POLR1F: variants seen among roughly 807,000 people sequenced by gnomAD.
POLR1F encodes the protein RNA polymerase I subunit F, also known as DNA-directed RNA polymerase I subunit RPA43.
A neutral mutation model predicts 21.8 loss-of-function variants in POLR1F; 23 were observed. The observed-to-expected ratio is 1.05, with a 90% CI of 0.76 to 1.49. The LOEUF is 1.49. Ranked by LOEUF, POLR1F falls within the 40% of genes most tolerant of loss-of-function variation. POLR1F has a pLI of 0.00. For missense variants in POLR1F, 435 were observed against 412.1 expected, an observed-to-expected ratio of 1.06 and a Z score of -0.48; for synonymous variants, 162 against 152.8, an observed-to-expected ratio of 1.06 and a Z score of -0.45.
At chr7:19,706,993 C>G (rs1466460471) in intron 1 of POLR1F, among the ~76,000 whole-genome samples, 1 of 152,222 alleles carries the variant, frequency 6.6e-6, no homozygotes, top group Non-Finnish European at 1.5e-5. Flanking sequence ...TTCAGAGCCA[C>G]TCTGCGTGAT....
At chr7:19,708,196 A>C (rs775890350) in intron 1 of POLR1F, among the ~76,000 whole-genome samples, 1 of 152,194 alleles carries the variant, frequency 6.6e-6, no homozygotes, top group Non-Finnish European at 1.5e-5. Context: ...AAATCCCGCT[A>C]AACTAATGGC....
chr7:19,700,020 G>C (rs1783428504), intron 3 of POLR1F, 52 bp downstream of exon 3: 1 of 1,430,584 alleles, frequency 7.0e-7, no homozygotes, highest in African/African-American at 1.4e-5. Context: ...TTAAAATTCA[G>C]AATTAAATAG....
chr7:19,705,614 G>C (rs1301158706), intron 1 of POLR1F, among the ~76,000 whole-genome samples: 2 of 152,204 alleles, frequency 1.3e-5, no homozygotes, highest in African/African-American at 4.8e-5. Flanking sequence ...TTCAACTGTT[G>C]ATAGTAAATG....
chr7:19,708,003 A>G (rs942245574), intron 1 of POLR1F, among the ~76,000 whole-genome samples: 1 of 152,058 alleles, frequency 6.6e-6, no homozygotes, highest in African/African-American at 2.4e-5. Context: ...CCGCTTTTAA[A>G]CCAAAGTATA....
At position 19,696,469 on chromosome 7, in the gene POLR1F, T is replaced by C. The variant is rs535256658; in HGVS notation, c.*1847A>G. ...AAATTTGCCATCTTTCTTGTGTCTATGGAAAAGGGGTTTAGAATTGTTTCA... is the reference window on the plus strand; with the variant it reads ...AAATTTGCCATCTTTCTTGTGTCTACGGAAAAGGGGTTTAGAATTGTTTCA... On this transcript the variant is annotated 3_prime_UTR_variant, in exon 4 of 4. Coordinates refer to ENST00000222567, the MANE Select transcript of POLR1F (RefSeq NM_001002926.2). The C allele has an allele frequency of 2.6e-5, 4 of 152,130 alleles. No individual in the cohort carries two copies. Among genetic ancestry groups the C allele is most frequent in the East Asian group, 3.8e-4 (2 of 5,196 alleles). 9.4% of individuals were successfully genotyped at this position (152,130 alleles called of 1,614,324 possible).
At chr7:19,700,766 G>T (rs1416224251) in intron 2 of POLR1F, among the ~76,000 whole-genome samples, 3 of 152,158 alleles carry the variant, frequency 2.0e-5, no homozygotes, top group Non-Finnish European at 4.4e-5. Flanking sequence ...GCTTAAAAAT[G>T]CATTCTTTAA....
At chr7:19,705,109 G>A (rs893823675) in intron 1 of POLR1F, among the ~76,000 whole-genome samples, 189 bp from the exon 2 acceptor site, 5 of 152,024 alleles carry the variant, frequency 3.3e-5, no homozygotes, top group Non-Finnish European at 7.4e-5. Flanking sequence ...GATTATAGGT[G>A]TGCACCACTG....
chr7:19,705,070 C>T, intron 1 of POLR1F, 150 bp from the exon 2 acceptor site: 1 of 700,652 alleles, frequency 1.4e-6, no homozygotes, highest in Non-Finnish European at 2.2e-6. Flanking sequence ...CTCAATTGAT[C>T]CTTCTGCCTC....
Position 19,697,785 on chromosome 7 carries a change from G to A in POLR1F, c.*531C>T, listed in dbSNP as rs1180015293. 1 of 152,298 alleles carries A rather than the reference G, an allele frequency of 6.6e-6. No homozygotes were observed. The highest frequency in any genetic ancestry group is 1.5e-5 in the Non-Finnish European group (1 of 68,134). The allele number at this position is 152,298 out of a possible 1,614,324, so 9.4% of individuals were successfully genotyped here. On this transcript the variant is annotated 3_prime_UTR_variant, in exon 4 of 4. Coordinates refer to ENST00000222567, the MANE Select transcript of POLR1F (RefSeq NM_001002926.2). Reference sequence around the variant, plus strand: ...TGGCCTGGCTTTTAAGAGCTGTGAAGACTTCAGAAACTTCTTTGGCAAACT... The same window carrying A: ...TGGCCTGGCTTTTAAGAGCTGTGAAAACTTCAGAAACTTCTTTGGCAAACT...
chr7:19,698,796 A>C, intron 3 of POLR1F, 69 bp from the exon 4 acceptor site: 1 of 1,292,456 alleles, frequency 7.7e-7, no homozygotes, highest in Non-Finnish European at 1.0e-6. Flanking sequence ...TGAGATCAAG[A>C]TATCCCAACA....
chr7:19,708,965 A>T lies in POLR1F; in HGVS notation c.52T>A (p.Ser18Thr). The T allele has an allele frequency of 6.2e-7, 1 of 1,604,880 alleles. No individual in the cohort carries two copies. The highest frequency in any genetic ancestry group is 8.5e-7 in the Non-Finnish European group (1 of 1,174,402). Reference sequence around the variant, plus strand: ...AGGACGCCAGCCTGCCCTACCAGAGACCCATCAGAAGCCGCCGCTGGCCGC... The same window carrying T: ...AGGACGCCAGCCTGCCCTACCAGAGTCCCATCAGAAGCCGCCGCTGGCCGC... The part of the protein sequence containing the change: ...APRPAAASDG[S>T]LVGQAGVLPC... The change falls in exon 1 of 4, where the codon TCT becomes ACT. Residue 18 changes from serine to threonine, a missense_variant. By Grantham distance (58) the Ser-to-Thr change is moderately conservative. Transcript: ENST00000222567.
At chr7:19,707,244 C>T (rs1417286560) in intron 1 of POLR1F, among the ~76,000 whole-genome samples, 1 of 152,130 alleles carries the variant, frequency 6.6e-6, no homozygotes, top group Non-Finnish European at 1.5e-5. Flanking sequence ...ATCTGATATG[C>T]CAGGGACTGC....
chr7:19,708,056 A>C (rs865820311), intron 1 of POLR1F, among the ~76,000 whole-genome samples: 3 of 151,940 alleles, frequency 2.0e-5, no homozygotes, highest in Non-Finnish European at 4.4e-5. Context: ...CCCCCGCCCC[A>C]CACCTCTGTA....
At position 19,700,279 on chromosome 7, in the gene POLR1F, C is replaced by A. The variant is rs1783432121; in HGVS notation, c.398G>T (p.Gly133Val). 1 of 1,612,198 alleles carries A rather than the reference C, an allele frequency of 6.2e-7. No homozygotes were observed. The highest frequency in any genetic ancestry group is 8.5e-7 in the Non-Finnish European group (1 of 1,178,566). ...GCTAGAAGACACTTTATTAACTATA[C>A]CCTGGGAAGAAGAAGGAAGAAAGAG... ...FCPEPGQKLM[G>V]IVNKVSSSHI... The change falls in exon 3 of 4, where the codon GGT becomes GTT. Residue 133 changes from glycine (G) to valine (V), a missense_variant and splice_region_variant. Coordinates refer to ENST00000222567, the MANE Select transcript of POLR1F (RefSeq NM_001002926.2).
chr7:19,699,139 A>T (rs1783417733), intron 3 of POLR1F, among the ~76,000 whole-genome samples: 1 of 152,142 alleles, frequency 6.6e-6, no homozygotes, highest in Non-Finnish European at 1.5e-5. Context: ...AGAAAATATG[A>T]TCTGGTATTT....
Position 19,708,985 on chromosome 7 carries a change from G to A in POLR1F, c.32C>T (p.Pro11Leu), listed in dbSNP as rs376366064. The A allele has an allele frequency of 1.1e-4, 175 of 1,595,494 alleles. No homozygotes were observed. The highest frequency in any genetic ancestry group is 2.4e-4 in the Admixed American group (14 of 59,408). MAAGCSEAPR[P>L]AAASDGSLVG... ...CAGAGACCCATCAGAAGCCGCCGCT[G>A]GCCGCGGCGCCTCTGAGCAACCTGC... The change falls in exon 1 of 4, where the codon CCA (proline) becomes CTA (leucine). Residue 11 changes from proline to leucine, a missense_variant. Transcript: ENST00000222567.
At chr7:19,703,553 A>ATATATACATATGTATATGTATATAC (rs1783472264) in intron 2 of POLR1F, among the ~76,000 whole-genome samples, 1 of 152,184 alleles carries the variant, frequency 6.6e-6, no homozygotes, top group Non-Finnish European at 1.5e-5. Flanking sequence ...CTTTTTCTAC[A>ATATATACATATGTATATGTATATAC]ATCTGTTATT....
At chr7:19,707,306 TGA>T (rs1232553933) in intron 1 of POLR1F, among the ~76,000 whole-genome samples, 2 of 152,160 alleles carry the variant, frequency 1.3e-5, no homozygotes, top group African/African-American at 4.8e-5. Flanking sequence ...TTAAAGGGAC[TGA>T]GAGGACGGAG....
Position 19,704,827 on chromosome 7 carries a change from A to G in POLR1F, c.348T>C (p.Ile116=). ...GGCAGAAAATAACAAAATCGGCTTC[A>G]ATGTTAAGATGAATGTGTCCTTGAT... is the stretch of plus-strand genomic sequence containing the variant. The part of the protein sequence containing the change: ...YDDQGHIHLN[I]EADFVIFCPE... The change falls in exon 2 of 4, where the codon ATT becomes ATC. Residue 116 remains isoleucine, a synonymous_variant. Coordinates refer to ENST00000222567, the MANE Select transcript of POLR1F (RefSeq NM_001002926.2). The G allele has an allele frequency of 6.2e-7, 1 of 1,608,882 alleles. No individual in the cohort carries two copies. The highest frequency in any genetic ancestry group is 8.5e-7 in the Non-Finnish European group (1 of 1,178,384).
Sources: gnomAD v4.1 joint callset for allele counts (sites outside exome capture counted in the v4.1 genomes callset) on GRCh38, gnomAD v4.1.1 for gene constraint, MANE v1.5 for transcripts, NCBI Gene and HGNC (gene_info 2026-07-23, HGNC 2026-07-21) for gene names.